Variants in CELF2 observed in about 807,000 individuals in gnomAD.
CELF2 encodes CUG triplet repeat RNA-binding protein 2.
A neutral mutation model predicts 62.6 loss-of-function variants in CELF2; 8 were observed. That is an observed-to-expected ratio of 0.13 (90% CI 0.07 to 0.23). CELF2 has a LOEUF of 0.23. Among genes scored for constraint, CELF2 ranks in the 10% least tolerant of loss-of-function variants. CELF2 has a pLI of 1.00. For missense variants in CELF2, 333 were observed against 671.0 expected (o/e 0.50, Z 5.56); for synonymous variants, 258 against 250.0 (o/e 1.03, Z -0.30).
the CELF2 span, among the ~76,000 whole-genome samples, chr10:10,780,504 T>C: frequency 6.6e-6 from 1 of 151,872 alleles, no homozygotes; most frequent in Admixed American, 6.6e-5. Context: ...TGTTTTGAGA[T>C]GGAGTCTCGC....
the CELF2 span, among the ~76,000 whole-genome samples, chr10:10,468,996 C>T: frequency 0.35 from 53,746 of 151,628 alleles, 10,051 homozygotes; most frequent in Admixed American, 0.43. Flanking sequence ...TTAGTATGAA[C>T]TTATTACAGT....
chr10:11,326,706 G>T (rs1052728502), intron 12 of CELF2, among the ~76,000 whole-genome samples: 2 of 152,064 alleles, frequency 1.3e-5, no homozygotes, highest in African/African-American at 4.8e-5. Flanking sequence ...AAACCCTATT[G>T]GCCCCCAAAG....
chr10:11,050,834 C>G (rs1342309547), intron 1 of CELF2, among the ~76,000 whole-genome samples: 1 of 152,222 alleles, frequency 6.6e-6, no homozygotes, highest in East Asian at 1.9e-4. Flanking sequence ...ATGCAGAGCT[C>G]TGCAGATTAT....
At chr10:11,107,328 G>A (rs2053778811) in intron 1 of CELF2, among the ~76,000 whole-genome samples, 1 of 152,146 alleles carries the variant, frequency 6.6e-6, no homozygotes, top group Admixed American at 6.5e-5. Context: ...ATTCTTCAGA[G>A]AACTGGATTC....
At chr10:10,645,183 T>C in the CELF2 span, among the ~76,000 whole-genome samples, 10 of 152,114 alleles carry the variant, frequency 6.6e-5, no homozygotes, top group African/African-American at 2.2e-4. Flanking sequence ...AATCCCCCCT[T>C]GTTGAGTTCT....
intron 1 of CELF2, among the ~76,000 whole-genome samples, chr10:10,898,898 G>T (rs2062746025): frequency 6.6e-6 from 1 of 152,126 alleles, no homozygotes; most frequent in Non-Finnish European, 1.5e-5. Flanking sequence ...ATATTCAAGT[G>T]ATATAAAATA....
chr10:10,707,479 T>C, the CELF2 span, among the ~76,000 whole-genome samples: 6 of 152,206 alleles, frequency 3.9e-5, no homozygotes, highest in African/African-American at 1.4e-4. Flanking sequence ...GTGACAATGT[T>C]AGATGTCTTC....
chr10:11,254,363 G>C (rs551821853), intron 4 of CELF2, among the ~76,000 whole-genome samples: 4 of 152,330 alleles, frequency 2.6e-5, no homozygotes, highest in African/African-American at 9.6e-5. Flanking sequence ...GCGCTCACAC[G>C]CCACACACAC....
At chr10:11,127,003 C>T (rs80110727) in intron 1 of CELF2, among the ~76,000 whole-genome samples, 3 of 152,048 alleles carry the variant, frequency 2.0e-5, no homozygotes, top group Non-Finnish European at 4.4e-5. Flanking sequence ...CCCATACACT[C>T]ATCATCTATA....
At chr10:10,583,331 C>A in the CELF2 span, among the ~76,000 whole-genome samples, 18 of 152,244 alleles carry the variant, frequency 1.2e-4, no homozygotes, top group Non-Finnish European at 1.2e-4. Context: ...TTTCTAGTTA[C>A]TCATGATTTA....
intron 8 of CELF2, among the ~76,000 whole-genome samples, chr10:11,277,387 G>A (rs573685090): frequency 1.2e-3 from 177 of 152,226 alleles, no homozygotes; most frequent in African/African-American, 4.0e-3. Flanking sequence ...CCTCTCTCCC[G>A]AATTCCCCAG....
chr10:11,334,317 G>GT lies in CELF2; in HGVS notation c.*5270dup, dbSNP rs34901794. ...GTAATGTATGTTATTGTGTGATGCA[G>GT]TTTTTTGCTTCTGTCTCCAATATTA... On this transcript the variant is annotated 3_prime_UTR_variant, in exon 13 of 13. Coordinates refer to ENST00000633077, the MANE Select transcript of CELF2 (RefSeq NM_001326342.2). 1 of 152,582 alleles carries GT rather than the reference G, an allele frequency of 6.6e-6. No individual in the cohort carries two copies. Among genetic ancestry groups the GT allele is most frequent in the Non-Finnish European group, 1.5e-5 (1 of 68,024 alleles). The allele number at this position is 152,582 out of a possible 1,614,324, so 9.5% of individuals were successfully genotyped here.
At chr10:10,955,001 A>G (rs1024761430) in intron 2 of CELF2, among the ~76,000 whole-genome samples, 7 of 152,230 alleles carry the variant, frequency 4.6e-5, no homozygotes, top group African/African-American at 1.4e-4. Flanking sequence ...TAGCTTAGCA[A>G]TTTTATTTCT....
At position 11,296,343 on chromosome 10, in the gene CELF2, C is replaced by A. The variant is rs1430665710; in HGVS notation, c.976+7791C>A. 1.3e-5 allele frequency among the ~76,000 whole-genome samples: 2 copies of A among 152,158 alleles called. No individual in the cohort carries two copies. Among genetic ancestry groups the A allele is most frequent in the East Asian group, 3.9e-4 (2 of 5,192 alleles). On this transcript the variant is annotated intron_variant, in intron 9 of 12. Coordinates refer to ENST00000633077, the MANE Select transcript of CELF2 (RefSeq NM_001326342.2). The surrounding 1 kb of genome is among the most constrained non-coding windows in gnomAD (Gnocchi z 5.0). ...TTGTGGCAAATCCACATCAGATCCC[C>A]TTGTGATGTTTATATGAGCTCAGGC...
intron 1 of CELF2, among the ~76,000 whole-genome samples, chr10:10,849,370 G>A (rs562886993): frequency 5.9e-4 from 90 of 152,200 alleles, no homozygotes; most frequent in Non-Finnish European, 1.1e-3. Flanking sequence ...TCATGCCACT[G>A]CACTCCAGAC....
At position 11,306,559 on chromosome 10, in the gene CELF2, G is replaced by A. The variant is rs572333812; in HGVS notation, c.977-7580G>A. 6.6e-6 allele frequency among the ~76,000 whole-genome samples: 1 copy of A among 152,072 alleles called. No individual in the cohort carries two copies. Among genetic ancestry groups the A allele is most frequent in the African/African-American group, 2.4e-5 (1 of 41,412 alleles). The stretch of plus-strand genomic sequence containing the variant: ...GTTTTTCTTATGCTTTAAATTATTT[G>A]TTAACATTCAGAAGGTTCTTAAAGG... On this transcript the variant is annotated intron_variant, in intron 9 of 12. Transcript: ENST00000633077. The surrounding 1 kb of genome is among the most constrained non-coding windows in gnomAD (Gnocchi z 4.4).
At chr10:10,973,002 G>A (rs1241029239) in intron 2 of CELF2, among the ~76,000 whole-genome samples, 1 of 152,136 alleles carries the variant, frequency 6.6e-6, no homozygotes, top group Non-Finnish European at 1.5e-5. Context: ...AGTTAAAGCA[G>A]AAGGCAGCCG....
chr10:10,549,415 C>T, the CELF2 span, among the ~76,000 whole-genome samples: 1 of 152,200 alleles, frequency 6.6e-6, no homozygotes, highest in Non-Finnish European at 1.5e-5. Flanking sequence ...TCCCAAGTAG[C>T]TGAGACTACA....
the CELF2 span, among the ~76,000 whole-genome samples, chr10:10,739,203 T>G: frequency 6.6e-6 from 1 of 152,184 alleles, no homozygotes; most frequent in Non-Finnish European, 1.5e-5. Flanking sequence ...TGCATATATA[T>G]GTCTATAGAA....
Sources: allele counts gnomAD v4.1 joint callset (sites outside exome capture counted in the v4.1 genomes callset), GRCh38; gene constraint gnomAD v4.1.1; non-coding constraint Gnocchi (gnomAD v3.1); transcripts MANE v1.5; gene names NCBI Gene and HGNC (gene_info 2026-07-23, HGNC 2026-07-21).